Variants in SV2C observed in about 807,000 individuals in gnomAD.
SV2C encodes the protein solute carrier family 22 member B3.
Under a neutral mutation model 79.7 loss-of-function variants are expected in SV2C, and 49 were observed. The observed-to-expected ratio is 0.61, with a 90% CI of 0.49 to 0.78. SV2C has a LOEUF of 0.78. Ranked by LOEUF, SV2C falls within the 30% of genes least tolerant of loss-of-function variation. SV2C has a pLI of 0.00. For synonymous variants in SV2C, 334 were observed against 333.2 expected, an observed-to-expected ratio of 1.00 and a Z score of -0.03; for missense variants, 833 against 912.9, an observed-to-expected ratio of 0.91 and a Z score of 1.13.
At chr5:76,189,152 A>G (rs1294331864) in intron 2 of SV2C, among the ~76,000 whole-genome samples, 1 of 152,072 alleles carries the variant, frequency 6.6e-6, no homozygotes, top group Non-Finnish European at 1.5e-5. Flanking sequence ...GGGAGACTAG[A>G]GCTAGTCCAG....
intron 1 of SV2C, among the ~76,000 whole-genome samples, chr5:76,097,813 G>C (rs10051950): frequency 0.2 from 29,965 of 152,100 alleles, 3,181 homozygotes; most frequent in East Asian, 0.42. Flanking sequence ...TTAATATTGT[G>C]TCTGAAGGGA....
chr5:76,151,059 A>C (rs1041192705), intron 2 of SV2C, among the ~76,000 whole-genome samples: 1 of 152,218 alleles, frequency 6.6e-6, no homozygotes, highest in Admixed American at 6.5e-5. Flanking sequence ...TGACACAGGA[A>C]GCAAAGGACT....
At chr5:76,062,020 T>C in the SV2C span, among the ~76,000 whole-genome samples, 1 of 152,120 alleles carries the variant, frequency 6.6e-6, no homozygotes, top group South Asian at 2.1e-4. Flanking sequence ...CCATTTTTCC[T>C]GATGTTTCTT....
At chr5:76,049,007 GAA>G in the SV2C span, among the ~76,000 whole-genome samples, 67 of 88,888 alleles carry the variant, frequency 7.5e-4, no homozygotes, top group African/African-American at 1.3e-3. Context: ...AAGAAAGAAA[GAA>G]AGAAAGAAAG....
intron 4 of SV2C, among the ~76,000 whole-genome samples, chr5:76,221,497 T>C (rs1369812851): frequency 6.6e-6 from 1 of 152,218 alleles, no homozygotes; most frequent in Non-Finnish European, 1.5e-5. Flanking sequence ...TAGTAAATCA[T>C]AATTACCCAA....
At position 76,325,500 on chromosome 5, in the gene SV2C, C is replaced by A. The variant is rs1348263784; in HGVS notation, c.2137C>A (p.Leu713Ile). ...TTCTACTGTGCTCGTGTGTGGAGGACTCGTTGGGCTGTGCCTGCCTGACAC... is the reference window on the plus strand; with the variant it reads ...TTCTACTGTGCTCGTGTGTGGAGGAATCGTTGGGCTGTGCCTGCCTGACAC... ...LASTVLVCGG[L>I]VGLCLPDTRT... Residue 713 changes from leucine to isoleucine, a missense_variant, in exon 13 of 13, where the codon CTC becomes ATC. Transcript: ENST00000502798. The A allele has an allele frequency of 1.1e-5, 17 of 1,614,044 alleles. No individual in the cohort carries two copies. Among genetic ancestry groups the A allele is most frequent in the Non-Finnish European group, 8.5e-7 (1 of 1,180,044 alleles).
chr5:76,203,185 C>T (rs901519806), intron 3 of SV2C, among the ~76,000 whole-genome samples: 7 of 152,128 alleles, frequency 4.6e-5, no homozygotes, highest in African/African-American at 1.7e-4. Flanking sequence ...AAAAATTAGC[C>T]ATATGCACTC....
the SV2C span, among the ~76,000 whole-genome samples, chr5:75,880,050 G>A: frequency 3.3e-5 from 5 of 152,206 alleles, no homozygotes; most frequent in Non-Finnish European, 7.3e-5. Flanking sequence ...AGCTGAAGTA[G>A]CAAGGGTATG....
At chr5:76,164,757 T>C (rs1580320052) in intron 2 of SV2C, among the ~76,000 whole-genome samples, 1 of 150,718 alleles carries the variant, frequency 6.6e-6, no homozygotes, top group Non-Finnish European at 1.5e-5. Flanking sequence ...TGTGTAAACA[T>C]ATATATAGAT....
At chr5:76,319,677 C>T (rs1748762220) in intron 12 of SV2C, among the ~76,000 whole-genome samples, 1 of 152,148 alleles carries the variant, frequency 6.6e-6, no homozygotes, top group African/African-American at 2.4e-5. Flanking sequence ...AACGCATCTG[C>T]CTTTAGTCTG....
chr5:76,034,708 C>T, the SV2C span, among the ~76,000 whole-genome samples: 1 of 152,112 alleles, frequency 6.6e-6, no homozygotes, highest in Non-Finnish European at 1.5e-5. Flanking sequence ...GTCTAAAATT[C>T]TCTTTTTTGG....
intron 8 of SV2C, among the ~76,000 whole-genome samples, chr5:76,293,664 A>C (rs898961057): frequency 8.1e-4 from 124 of 152,160 alleles, no homozygotes; most frequent in African/African-American, 2.8e-3. Context: ...ACACCCCCAC[A>C]GACATTACTA....
chr5:75,889,404 T>C, the SV2C span, among the ~76,000 whole-genome samples: 1 of 152,118 alleles, frequency 6.6e-6, no homozygotes, highest in Non-Finnish European at 1.5e-5. Flanking sequence ...TCCAGCTTCA[T>C]CTATGTCTCT....
intron 1 of SV2C, among the ~76,000 whole-genome samples, chr5:76,116,023 T>C (rs1283938239): frequency 1.3e-5 from 2 of 152,226 alleles, no homozygotes; most frequent in Non-Finnish European, 2.9e-5. Context: ...TTTCCTCTGC[T>C]CAGTCTCCTA....
intron 3 of SV2C, among the ~76,000 whole-genome samples, chr5:76,197,575 T>G (rs548363420): frequency 6.6e-6 from 1 of 152,242 alleles, no homozygotes; most frequent in East Asian, 1.9e-4. Context: ...TGCAGAGTTT[T>G]GTGGGATCCA....
chr5:76,235,750 A>C (rs114078654), intron 4 of SV2C, among the ~76,000 whole-genome samples: 2 of 151,828 alleles, frequency 1.3e-5, no homozygotes, highest in African/African-American at 2.4e-5. Flanking sequence ...CTAGAGAAAA[A>C]CATCATTATT....
At chr5:75,934,845 A>T in the SV2C span, among the ~76,000 whole-genome samples, 1 of 150,458 alleles carries the variant, frequency 6.6e-6, no homozygotes, top group Admixed American at 6.6e-5. Flanking sequence ...GCACATATTG[A>T]TGCTGATATC....
chr5:75,999,359 G>C, the SV2C span, among the ~76,000 whole-genome samples: 3 of 143,064 alleles, frequency 2.1e-5, no homozygotes, highest in East Asian at 6.4e-4. Flanking sequence ...AGGAGTGGGG[G>C]AGGGAGGGAG....
the SV2C span, among the ~76,000 whole-genome samples, chr5:75,985,263 G>A: frequency 2.0e-5 from 3 of 152,052 alleles, no homozygotes; most frequent in Non-Finnish European, 2.9e-5. Flanking sequence ...TCACTCACCC[G>A]AGAGGGAGGG....
Sources: gnomAD v4.1 joint callset for allele counts (sites outside exome capture counted in the v4.1 genomes callset) on GRCh38, gnomAD v4.1.1 for gene constraint, MANE v1.5 for transcripts, NCBI Gene and HGNC (gene_info 2026-07-23, HGNC 2026-07-21) for gene names.